SEM1: variants seen among roughly 807,000 people sequenced by gnomAD.
The protein encoded by SEM1 is SEM1 26S proteasome subunit.
A neutral mutation model predicts 12.7 loss-of-function variants in SEM1; 3 were observed. The observed-to-expected ratio is 0.24, with a 90% CI of 0.11 to 0.61. The LOEUF is 0.61. SEM1 is among the 20% of genes least tolerant of loss of function. The pLI, the probability that SEM1 is intolerant of heterozygous loss-of-function variation, is 0.88. For missense variants in SEM1, 59 were observed against 81.3 expected (o/e 0.73, Z 1.06); for synonymous variants, 30 against 27.8 (o/e 1.08, Z -0.25).
At chr7:96,680,974 C>T (rs1789593445) in intron 2 of SEM1, among the ~76,000 whole-genome samples, 2 of 152,086 alleles carry the variant, frequency 1.3e-5, no homozygotes, top group South Asian at 4.1e-4. Flanking sequence ...CAAGTAGATA[C>T]CTTAGCTTAA....
intron 2 of SEM1, among the ~76,000 whole-genome samples, chr7:96,611,624 A>C (rs1457985373): frequency 6.6e-6 from 1 of 152,254 alleles, no homozygotes; most frequent in African/African-American, 2.4e-5. Context: ...AGAGGATGAC[A>C]ATGAAAAGTC....
chr7:96,543,947 A>G (rs1253874954), intron 2 of SEM1, among the ~76,000 whole-genome samples: 1 of 152,052 alleles, frequency 6.6e-6, no homozygotes, highest in South Asian at 2.1e-4. Flanking sequence ...TTAGTGCTCT[A>G]TGATCACCAT....
chr7:96,677,644 C>CA (rs552576688), intron 2 of SEM1, among the ~76,000 whole-genome samples: 70 of 152,032 alleles, frequency 4.6e-4, no homozygotes, highest in Non-Finnish European at 6.9e-4. Context: ...GAGAGGGTCT[C>CA]AGAGCAGGAA....
rs1809282520 is a variant in SEM1, at chr7:96,659,113, C to T, written c.170+35685G>A. ...GGAAAGCCAGCGTGCAAAATCAAGG[C>T]TCAGAATTTTCCAGAATTGAGAAAA... is the stretch of plus-strand genomic sequence containing the variant. On this transcript the variant is annotated intron_variant, in intron 2 of 2. Coordinates refer to the SEM1 transcript ENST00000417009. Among the ~76,000 whole-genome samples, 3 of 152,180 alleles carry T rather than the reference C, an allele frequency of 2.0e-5. No homozygotes were observed. The South Asian group carries it at 6.2e-4, about 32-fold the overall frequency.
chr7:96,585,548 G>A (rs7790674), intron 2 of SEM1, among the ~76,000 whole-genome samples: 82,842 of 152,134 alleles, frequency 0.54, 24,624 homozygotes, highest in Non-Finnish European at 0.68. Flanking sequence ...GGGCAATGGC[G>A]GGCGCCCCTC....
rs554848561 is a variant in SEM1 at position 96,605,640 on chromosome 7, A to G, written c.170+89158T>C. On this transcript the variant is annotated intron_variant and NMD_transcript_variant, in intron 2 of 3. Transcript: ENST00000466986. ...CCTTTTACCAGTTGAATTGATTTGC[A>G]TCTATTTTTATGCAGGATGGGATAG... 4.6e-5 allele frequency among the ~76,000 whole-genome samples: 7 copies of G among 152,144 alleles called. No homozygotes were observed. The East Asian group carries it at 1.2e-3, about 25-fold the overall frequency.
At chr7:96,613,160 A>T (rs1256294490) in intron 2 of SEM1, among the ~76,000 whole-genome samples, 1 of 152,164 alleles carries the variant, frequency 6.6e-6, no homozygotes, top group African/African-American at 2.4e-5. Flanking sequence ...TTCTATGGAG[A>T]TATTTTATAA....
intron 2 of SEM1, among the ~76,000 whole-genome samples, chr7:96,635,138 T>C (rs1808392656): frequency 6.6e-6 from 1 of 152,026 alleles, no homozygotes; most frequent in East Asian, 1.9e-4. Context: ...TCAAAAAGAT[T>C]GAATTGGGAC....
chr7:96,545,055 T>C (rs1365513576), intron 2 of SEM1, among the ~76,000 whole-genome samples: 1 of 152,024 alleles, frequency 6.6e-6, no homozygotes, highest in African/African-American at 2.4e-5. Context: ...AACTTACCAT[T>C]GGCTCATTCT....
rs948794230 is a variant in SEM1, at chr7:96,595,000, G to A, written c.171-88302C>T. ...TCAAGTCAAAGTGTACTTAAGATTA[G>A]TTACTGCAAAATAAAACTTAAAATG... is the stretch of plus-strand genomic sequence containing the variant. On this transcript the variant is annotated intron_variant and NMD_transcript_variant, in intron 2 of 3. Coordinates refer to the SEM1 transcript ENST00000466986. Among the ~76,000 whole-genome samples, 88 of 152,144 alleles carry A rather than the reference G, an allele frequency of 5.8e-4. 1 individual carries two copies. The highest frequency in any genetic ancestry group is 3.4e-3 in the Middle Eastern group (1 of 294).
At chr7:96,643,016 T>A (rs1185952354) in intron 2 of SEM1, among the ~76,000 whole-genome samples, 1 of 152,128 alleles carries the variant, frequency 6.6e-6, no homozygotes, top group Non-Finnish European at 1.5e-5. Context: ...ACTTGTGTCA[T>A]AGGGGTTTAT....
chr7:96,678,060 A>G (rs1023934219), intron 2 of SEM1, among the ~76,000 whole-genome samples: 9 of 152,150 alleles, frequency 5.9e-5, no homozygotes, highest in African/African-American at 2.2e-4. Flanking sequence ...TGAATGAATA[A>G]ATTTCTTTTG....
At chr7:96,528,438 C>T (rs777923976) in intron 2 of SEM1, among the ~76,000 whole-genome samples, 1 of 152,214 alleles carries the variant, frequency 6.6e-6, no homozygotes. Context: ...GCAATCTGCC[C>T]GCCTCAGCCT....
chr7:96,489,633 C>T (rs1270152337), intron 1 of SEM1, among the ~76,000 whole-genome samples: 1 of 152,136 alleles, frequency 6.6e-6, no homozygotes, highest in Non-Finnish European at 1.5e-5. Context: ...AAAACAACAG[C>T]AATCTCTTCT....
intron 2 of SEM1, among the ~76,000 whole-genome samples, chr7:96,540,746 C>T (rs543720884): frequency 6.6e-6 from 1 of 151,678 alleles, no homozygotes; most frequent in African/African-American, 2.4e-5. Context: ...AGGTTTTCAA[C>T]CCCCCAGTAG....
chr7:96,498,648 TAAG>T (rs891708045), upstream of SEM1, among the ~76,000 whole-genome samples: 33 of 152,314 alleles, frequency 2.2e-4, no homozygotes, highest in African/African-American at 7.2e-4. Flanking sequence ...CCAATAATAA[TAAG>T]AAGAATATAA....
downstream of SEM1, among the ~76,000 whole-genome samples, chr7:96,687,647 G>C (rs924670715): frequency 6.6e-6 from 1 of 151,932 alleles, no homozygotes; most frequent in African/African-American, 2.4e-5. Flanking sequence ...GTGGGGAGAG[G>C]GGGGAGGGAT....
At chr7:96,591,282 A>T (rs1449963720) in intron 2 of SEM1, among the ~76,000 whole-genome samples, 1 of 152,186 alleles carries the variant, frequency 6.6e-6, no homozygotes, top group Non-Finnish European at 1.5e-5. Flanking sequence ...AACACCTGAA[A>T]AGATTTACCT....
intron 2 of SEM1, among the ~76,000 whole-genome samples, chr7:96,681,768 T>C (rs551711350): frequency 6.6e-6 from 1 of 152,192 alleles, no homozygotes; most frequent in Non-Finnish European, 1.5e-5. Context: ...ACCAGTACCA[T>C]GCTGTTTTGG....
Sources: allele counts gnomAD v4.1 joint callset (sites outside exome capture counted in the v4.1 genomes callset), GRCh38; gene constraint gnomAD v4.1.1; transcripts MANE v1.5; gene names NCBI Gene and HGNC (gene_info 2026-07-23, HGNC 2026-07-21).